Variants in ZBTB11 observed in about 807,000 individuals in gnomAD.
The protein encoded by ZBTB11 is zinc finger and BTB domain-containing protein 11.
A neutral mutation model predicts 113.1 loss-of-function variants in ZBTB11; 68 were observed. The observed-to-expected ratio is 0.60, with a 90% CI of 0.49 to 0.74. The LOEUF is 0.74. Ranked by LOEUF, ZBTB11 falls within the 30% of genes least tolerant of loss-of-function variation. The pLI is 0.00. For missense variants in ZBTB11, 1,104 were observed against 1,279.4 expected, an observed-to-expected ratio of 0.86 and a Z score of 2.09; for synonymous variants, 518 against 452.6, an observed-to-expected ratio of 1.14 and a Z score of -1.83.
rs1030617052 is a variant in ZBTB11 at position 101,664,663 on chromosome 3, C to A, written c.1675G>T (p.Asp559Tyr). 3.1e-6 allele frequency: 5 copies of A among 1,611,420 alleles called. No individual in the cohort carries two copies. The highest frequency in any genetic ancestry group is 2.5e-6 in the Non-Finnish European group (3 of 1,179,380). The change falls in exon 5 of 11, where the codon GAT becomes TAT. Residue 559 changes from aspartate to tyrosine, a missense_variant. This residue lies in a region of ZBTB11 where 535 missense variants were observed against 518.6 expected (regional missense o/e 1.03). Transcript: ENST00000312938. ...RGKKMKQPKRDAKENTEEASH... is the reference protein window; with the variant it reads ...RGKKMKQPKRYAKENTEEASH... ...GCTTCTTCTGTGTTCTCTTTAGCAT[C>A]TCTTTTTGGCTGTTTCATCTTTTTT...
intron 5 of ZBTB11, among the ~76,000 whole-genome samples, chr3:101,663,487 T>C (rs1326564867): frequency 2.0e-5 from 3 of 152,208 alleles, no homozygotes; most frequent in South Asian, 2.1e-4. Context: ...GGGGAGGGGA[T>C]TGTTGTCAAC....
intron 5 of ZBTB11, 68 bp from the exon 6 acceptor site, chr3:101,660,096 T>C: frequency 6.7e-7 from 1 of 1,483,494 alleles, no homozygotes; most frequent in Non-Finnish European, 9.2e-7. Flanking sequence ...ACTCAACTCA[T>C]ATTTGGACTT....
intron 6 of ZBTB11, among the ~76,000 whole-genome samples, 191 bp downstream of exon 6, chr3:101,659,592 T>C (rs1429677462): frequency 1.3e-5 from 2 of 152,170 alleles, no homozygotes; most frequent in East Asian, 1.9e-4. Context: ...AGATTCAAAT[T>C]ACAACTTCAG....
rs41273605 is a variant in ZBTB11 at position 101,664,775 on chromosome 3, T to C, written c.1624-61A>G. 908 of 1,510,904 alleles carry C rather than the reference T, an allele frequency of 6.0e-4. 1 individual carries two copies. Among genetic ancestry groups the C allele is most frequent in the Admixed American group, 8.3e-4 (36 of 43,286 alleles). The allele number at this position is 1,510,904 out of a possible 1,614,324, so 93.6% of individuals were successfully genotyped here. A position where few individuals can be genotyped will look rare whatever the true frequency, so the allele number is the denominator to read the frequency against. On this transcript the variant is annotated intron_variant, in intron 4 of 10. Coordinates refer to ENST00000312938, the MANE Select transcript of ZBTB11 (RefSeq NM_014415.4). ...TACTCAATTTTAATTTTTAAAGTCATGTTGTAAATTTCTAACAAAAAGATT... is the reference window on the plus strand; with the variant it reads ...TACTCAATTTTAATTTTTAAAGTCACGTTGTAAATTTCTAACAAAAAGATT...
At position 101,665,136 on chromosome 3, in the gene ZBTB11, T is replaced by C. The variant is rs762618398; in HGVS notation, c.1451A>G (p.Gln484Arg). The C allele has an allele frequency of 8.1e-6, 13 of 1,614,216 alleles. No individual in the cohort carries two copies. The South Asian group carries it at 1.3e-4, about 16-fold the overall frequency. ...RQKVDQPLKD[Q>R]ENLVASTAKT... ...TGCTGTTGATGCAACTAGATTTTCC[T>C]GATCTTTTAAAGGTTGGTCAACTTT... is the stretch of plus-strand genomic sequence containing the variant. Residue 484 changes from glutamine to arginine, a missense_variant, in exon 4 of 11, where the codon CAG (glutamine) becomes CGG (arginine). Coordinates refer to ENST00000312938, the MANE Select transcript of ZBTB11 (RefSeq NM_014415.4).
chr3:101,669,128 G>A (rs1937044294), intron 3 of ZBTB11, among the ~76,000 whole-genome samples: 1 of 152,140 alleles, frequency 6.6e-6, no homozygotes, highest in Admixed American at 6.5e-5. Flanking sequence ...CGCCTCCTGG[G>A]ATCAAGTGAT....
At chr3:101,663,090 C>T (rs1320418384) in intron 5 of ZBTB11, among the ~76,000 whole-genome samples, 1 of 152,122 alleles carries the variant, frequency 6.6e-6, no homozygotes. Flanking sequence ...CAGGTGCTCG[C>T]CACCATGCCT....
chr3:101,671,908 A>AT (rs1441101437), intron 2 of ZBTB11, 70 bp downstream of exon 2: 1 of 1,245,698 alleles, frequency 8.0e-7, no homozygotes, highest in African/African-American at 1.5e-5. Flanking sequence ...TGAGAAAAAT[A>AT]AGTCACCAAG....
chr3:101,665,383 T>A lies in ZBTB11; in HGVS notation c.1204A>T (p.Ile402Leu). The A allele has an allele frequency of 6.2e-7, 1 of 1,614,246 alleles. No homozygotes were observed. The highest frequency in any genetic ancestry group is 1.1e-5 in the South Asian group (1 of 91,082). Reference sequence around the variant, plus strand: ...TCCATTTCAGGATGGGAATCAGCTATACATCCTACTGATGACAGGGCAGAT... The same window carrying A: ...TCCATTTCAGGATGGGAATCAGCTAAACATCCTACTGATGACAGGGCAGAT... ...AESALSSVGC[I>L]ADSHPEMESV... The change falls in exon 4 of 11, where the codon ATA (isoleucine) becomes TTA (leucine). Residue 402 changes from isoleucine (I) to leucine (L), a missense_variant. Ile to Leu is a conservative substitution (Grantham distance 5). Coordinates refer to ENST00000312938, the MANE Select transcript of ZBTB11 (RefSeq NM_014415.4).
rs1395481659 is a variant in ZBTB11 at position 101,652,453 on chromosome 3, G to A, written c.2644+43C>T. 13 of 1,575,916 alleles carry A rather than the reference G, an allele frequency of 8.2e-6. No homozygotes were observed. In the African/African-American group the frequency reaches 1.8e-4, roughly 22 times the overall value. On this transcript the variant is annotated intron_variant, in intron 10 of 10. Transcript: ENST00000312938. ...TAAAGGGAGAATCACTACTGGACTG[G>A]CTTTTATTCTATAAGGATACATATA...
intron 8 of ZBTB11, 124 bp from the exon 9 acceptor site, chr3:101,653,062 C>G: frequency 1.0e-6 from 1 of 1,003,110 alleles, no homozygotes; most frequent in Non-Finnish European, 1.4e-6. Flanking sequence ...AAAGAATTCC[C>G]TAATTTTCTA....
intron 1 of ZBTB11, among the ~76,000 whole-genome samples, chr3:101,674,622 C>T (rs1937133155): frequency 6.6e-6 from 1 of 151,876 alleles, no homozygotes; most frequent in Admixed American, 6.6e-5. Context: ...ATCGCTTGAA[C>T]CCGGGAGGTG....
At chr3:101,673,630 C>G (rs1342142718) in intron 1 of ZBTB11, among the ~76,000 whole-genome samples, 2 of 152,012 alleles carry the variant, frequency 1.3e-5, no homozygotes, top group African/African-American at 4.8e-5. Flanking sequence ...ACTCCCACCT[C>G]AGCCTCCCGA....
chr3:101,672,687 A>AG (rs1426239351), intron 1 of ZBTB11, among the ~76,000 whole-genome samples: 1 of 152,260 alleles, frequency 6.6e-6, no homozygotes, highest in East Asian at 1.9e-4. Context: ...ACTGCACTCC[A>AG]GCCTGGGCAA....
chr3:101,668,634 A>C (rs1334295670), intron 3 of ZBTB11, among the ~76,000 whole-genome samples: 1 of 151,896 alleles, frequency 6.6e-6, no homozygotes, highest in Non-Finnish European at 1.5e-5. Context: ...AAAAAAAAAA[A>C]AGGGCTGAAA....
intron 5 of ZBTB11, among the ~76,000 whole-genome samples, chr3:101,660,522 G>A (rs1295303639): frequency 6.6e-6 from 1 of 152,046 alleles, no homozygotes; most frequent in Non-Finnish European, 1.5e-5. Flanking sequence ...TGGTCTCCTG[G>A]CCAACCATCT....
At position 101,654,018 on chromosome 3, in the gene ZBTB11, C is replaced by T. The variant is rs185714712; in HGVS notation, c.2309+686G>A. On this transcript the variant is annotated intron_variant, in intron 8 of 10. Transcript: ENST00000312938. Reference sequence around the variant, plus strand: ...CTGGAATTACAGGCATGAGCCACTGCGCCCACACTACCACCCTAAAATGAC... The same window carrying T: ...CTGGAATTACAGGCATGAGCCACTGTGCCCACACTACCACCCTAAAATGAC... Among the ~76,000 whole-genome samples, 26 of 152,122 alleles carry T rather than the reference C, an allele frequency of 1.7e-4. 1 individual carries two copies. The highest frequency in any genetic ancestry group is 2.7e-4 in the African/African-American group (11 of 41,484).
intron 6 of ZBTB11, among the ~76,000 whole-genome samples, chr3:101,656,474 C>T (rs751049675): frequency 2.6e-5 from 4 of 152,104 alleles, no homozygotes; most frequent in Non-Finnish European, 4.4e-5. Context: ...CATGTGATCA[C>T]CAGAGATTCT....
chr3:101,654,642 T>C (rs1936763899), intron 8 of ZBTB11, 62 bp downstream of exon 8: 1 of 1,385,840 alleles, frequency 7.2e-7, no homozygotes, highest in Non-Finnish European at 1.0e-6. Context: ...TCAAATATTT[T>C]TTTGAAAACT....
Sources: allele counts gnomAD v4.1 joint callset (sites outside exome capture counted in the v4.1 genomes callset), GRCh38; gene constraint gnomAD v4.1.1; regional missense constraint gnomAD v4.1.1; transcripts MANE v1.5; gene names NCBI Gene and HGNC (gene_info 2026-07-23, HGNC 2026-07-21).